MS4A12: variants seen among roughly 807,000 people sequenced by gnomAD.
MS4A12 encodes membrane-spanning 4-domains subfamily A member 12.
In MS4A12, 28 loss-of-function variants were observed where a neutral mutation model predicts 23.7. That is an observed-to-expected ratio of 1.18 (90% CI 0.88 to 1.62). The LOEUF is 1.62. Among genes scored for constraint, MS4A12 ranks in the 40% most tolerant of loss-of-function variants. The pLI is 0.00. For synonymous variants in MS4A12, 108 were observed against 110.1 expected, an observed-to-expected ratio of 0.98 and a Z score of 0.12; for missense variants, 342 against 327.0, an observed-to-expected ratio of 1.05 and a Z score of -0.35.
rs920079485 is a variant in MS4A12 at position 60,507,084 on chromosome 11, C to T, written c.764C>T (p.Pro255Leu). 1.2e-5 allele frequency: 19 copies of T among 1,613,786 alleles called. No homozygotes were observed. The African/African-American group carries it at 2.4e-4, about 20-fold the overall frequency. Residue 255 changes from proline (P) to leucine (L), a missense_variant, in exon 7 of 7, where the codon CCT becomes CTT. By Grantham distance (98) the Pro-to-Leu change is moderately conservative. Coordinates refer to ENST00000016913, the MANE Select transcript of MS4A12 (RefSeq NM_017716.3). ...GTGACACCAGCGTCTTCTTCAGCTC[C>T]TCCCAGATGCAACAACTACTCAGCT... ...NPVTPASSSA[P>L]PRCNNYSANA...
intron 2 of MS4A12, among the ~76,000 whole-genome samples, chr11:60,499,661 GT>G (rs2086515454): frequency 2.0e-5 from 3 of 152,110 alleles, no homozygotes; most frequent in Admixed American, 6.5e-5. Flanking sequence ...ATGAAACTGG[GT>G]TTTTTTCTAA....
chr11:60,502,453 T>C (rs1235490190), intron 4 of MS4A12, among the ~76,000 whole-genome samples: 1 of 152,226 alleles, frequency 6.6e-6, no homozygotes, highest in African/African-American at 2.4e-5. Context: ...TTTTTATTTT[T>C]TTATTTGTGC....
chr11:60,497,244 T>C, intron 1 of MS4A12, 69 bp from the exon 2 acceptor site: 2 of 1,472,308 alleles, frequency 1.4e-6, no homozygotes, highest in Non-Finnish European at 1.8e-6. Flanking sequence ...ACATTTGACA[T>C]TTGGTAAGAT....
At chr11:60,501,767 T>A (rs2155710) in intron 3 of MS4A12, among the ~76,000 whole-genome samples, 1 of 151,958 alleles carries the variant, frequency 6.6e-6, no homozygotes, top group East Asian at 1.9e-4. Flanking sequence ...TGCTTAAACA[T>A]TGTGAGTTCT....
rs927492930 is a variant in MS4A12, at chr11:60,507,397, C to T, written c.*273C>T. The T allele has an allele frequency of 4.3e-5, 16 of 369,774 alleles. No individual in the cohort carries two copies. Among genetic ancestry groups the T allele is most frequent in the Admixed American group, 8.3e-5 (2 of 24,004 alleles). 22.9% of individuals were successfully genotyped at this position (369,774 alleles called of 1,614,324 possible). A position where few individuals can be genotyped will look rare whatever the true frequency, so the allele number is the denominator to read the frequency against. Reference sequence around the variant, plus strand: ...GTTAGAAATGTTTCTGTTCATATTACTTTTTCCTTAATAAAATGTCATTAG... The same window carrying T: ...GTTAGAAATGTTTCTGTTCATATTATTTTTTCCTTAATAAAATGTCATTAG... On this transcript the variant is annotated 3_prime_UTR_variant, in exon 7 of 7. Transcript: ENST00000016913.
At chr11:60,506,547 T>C (rs2086570923) in intron 5 of MS4A12, among the ~76,000 whole-genome samples, 181 bp from the exon 6 acceptor site, 1 of 152,198 alleles carries the variant, frequency 6.6e-6, no homozygotes, top group South Asian at 2.1e-4. Context: ...CTTCTGGCAT[T>C]TTAAAGAAAA....
In MS4A12 at chr11:60,495,823, C is replaced by T. The variant is rs563788836; in HGVS notation, c.-6-1490C>T. On this transcript the variant is annotated intron_variant, in intron 1 of 6. Transcript: ENST00000016913. ...GAGAATCCTTACTAACTCACTCAAT[C>T]ACAAAGAAGTTAATCCGGTTTATAA... 6.6e-5 allele frequency among the ~76,000 whole-genome samples: 10 copies of T among 152,330 alleles called. No individual in the cohort carries two copies. The South Asian group carries it at 2.1e-3, about 32-fold the overall frequency.
intron 5 of MS4A12, among the ~76,000 whole-genome samples, chr11:60,504,409 G>A (rs1307100246): frequency 1.3e-5 from 2 of 152,140 alleles, no homozygotes; most frequent in African/African-American, 4.8e-5. Context: ...GGAGCAACAT[G>A]GTATAAAATG....
chr11:60,506,237 T>C (rs189702002), intron 5 of MS4A12, among the ~76,000 whole-genome samples: 82 of 152,360 alleles, frequency 5.4e-4, no homozygotes, highest in African/African-American at 1.9e-3. Context: ...TCCATTCTTA[T>C]AGAATGATGC....
Position 60,497,504 on chromosome 11 carries a change from C to T in MS4A12, c.186C>T (p.Ser62=), listed in dbSNP as rs1264631697. 4.3e-6 allele frequency: 7 copies of T among 1,614,040 alleles called. No homozygotes were observed. The East Asian group carries it at 1.6e-4, about 36-fold the overall frequency. The change falls in exon 2 of 7, where the codon AGC becomes AGT. Residue 62 remains serine (S), a synonymous_variant. Coordinates refer to ENST00000016913, the MANE Select transcript of MS4A12 (RefSeq NM_017716.3). ...TCACATCTCCGGGAATCTTTGCTAG[C>T]AGTCAACCGGGTCAAGGAAATATAC... ...YGITSPGIFA[S]SQPGQGNIQM...
Position 60,503,765 on chromosome 11 carries a change from T to C in MS4A12, c.536T>C (p.Leu179Pro). 6.2e-7 allele frequency: 1 copy of C among 1,614,036 alleles called. No homozygotes were observed. The highest frequency in any genetic ancestry group is 8.5e-7 in the Non-Finnish European group (1 of 1,179,898). ...SILAFIGVIL[L>P]LVDMCINGVA... Reference sequence around the variant, plus strand: ...TTGGCCTTCATTGGAGTGATTCTGCTGCTGGTGGATATGTGCATCAATGGG... The same window carrying C: ...TTGGCCTTCATTGGAGTGATTCTGCCGCTGGTGGATATGTGCATCAATGGG... Residue 179 changes from leucine (L) to proline (P), a missense_variant, in exon 5 of 7, where the codon CTG becomes CCG. Coordinates refer to ENST00000016913, the MANE Select transcript of MS4A12 (RefSeq NM_017716.3).
At chr11:60,495,531 C>A (rs181087795) in intron 1 of MS4A12, among the ~76,000 whole-genome samples, 2 of 151,814 alleles carry the variant, frequency 1.3e-5, no homozygotes, top group East Asian at 3.9e-4. Flanking sequence ...TAGAGCCAAC[C>A]CTGTAATCGG....
rs774676964 is a variant in MS4A12, at chr11:60,506,767, T to G, written c.628T>G (p.Ser210Ala). Residue 210 changes from serine (S) to alanine (A), a missense_variant, in exon 6 of 7, where the codon TCC (serine) becomes GCC (alanine). Coordinates refer to ENST00000016913, the MANE Select transcript of MS4A12 (RefSeq NM_017716.3). ...KGISATLMIF[S>A]LLEFFVACAT... ...CATTTCAGCCACGCTGATGATCTTC[T>G]CCCTCTTGGAGTTCTTCGTAGCTTG... 1 of 1,614,196 alleles carries G rather than the reference T, an allele frequency of 6.2e-7. No homozygotes were observed. The highest frequency in any genetic ancestry group is 1.3e-5 in the African/African-American group (1 of 75,060).
chr11:60,501,860 T>G, intron 3 of MS4A12, 123 bp from the exon 4 acceptor site: 2 of 823,372 alleles, frequency 2.4e-6, no homozygotes, highest in Non-Finnish European at 4.0e-6. Flanking sequence ...AATTCAGAAG[T>G]GCGAGAGAAA....
chr11:60,506,268 C>T (rs2086568799), intron 5 of MS4A12, among the ~76,000 whole-genome samples: 1 of 152,182 alleles, frequency 6.6e-6, no homozygotes, highest in African/African-American at 2.4e-5. Context: ...TGGTTATTCT[C>T]TTTTTTCCCT....
At chr11:60,493,011 A>G (rs1376173953) in intron 1 of MS4A12, 183 bp downstream of exon 1, 1 of 152,240 alleles carries the variant, frequency 6.6e-6, no homozygotes, top group African/African-American at 2.4e-5. Flanking sequence ...AGAAAGAAAC[A>G]AAACAGAAGA....
intron 2 of MS4A12, among the ~76,000 whole-genome samples, chr11:60,499,750 C>T (rs753006939): frequency 3.3e-5 from 5 of 152,072 alleles, no homozygotes; most frequent in Non-Finnish European, 7.4e-5. Flanking sequence ...TGCAGTCTCC[C>T]TGGATAGATA....
At chr11:60,501,006 G>C (rs756927721) in intron 2 of MS4A12, 39 bp from the exon 3 acceptor site, 2 of 1,571,744 alleles carry the variant, frequency 1.3e-6, no homozygotes, top group East Asian at 4.6e-5. Context: ...ACGTCTGAAA[G>C]TGAAGAAGTA....
intron 2 of MS4A12, among the ~76,000 whole-genome samples, chr11:60,499,333 A>G (rs1196427392): frequency 6.6e-6 from 1 of 152,212 alleles, no homozygotes; most frequent in Non-Finnish European, 1.5e-5. Flanking sequence ...TAGATGGTAC[A>G]GCCAGGGCTG....
Sources: gnomAD v4.1 joint callset for allele counts (sites outside exome capture counted in the v4.1 genomes callset) on GRCh38, gnomAD v4.1.1 for gene constraint, MANE v1.5 for transcripts, NCBI Gene and HGNC (gene_info 2026-07-23, HGNC 2026-07-21) for gene names.